EYS: variants seen among roughly 807,000 people sequenced by gnomAD.
EYS encodes protein eyes shut homolog.
EYS carries 250 observed loss-of-function variants against 282.1 expected under a neutral mutation model. The observed-to-expected ratio is 0.89, with a 90% CI of 0.80 to 0.98. The LOEUF is 0.98. Ranked by LOEUF, EYS falls within the 50% of genes least tolerant of loss-of-function variation. EYS has a pLI of 0.00. For missense variants in EYS, 4,016 were observed against 3,709.0 expected, an observed-to-expected ratio of 1.08 and a Z score of -2.15; for synonymous variants, 1,355 against 1,282.9, an observed-to-expected ratio of 1.06 and a Z score of -1.20.
At chr6:65,198,760 C>T (rs1765829978) in intron 12 of EYS, among the ~76,000 whole-genome samples, 1 of 152,046 alleles carries the variant, frequency 6.6e-6, no homozygotes. Flanking sequence ...TTTTGGAAAG[C>T]TATTAATCCA....
At chr6:63,879,865 G>A (rs1050697372) in intron 35 of EYS, among the ~76,000 whole-genome samples, 7 of 152,038 alleles carry the variant, frequency 4.6e-5, no homozygotes, top group Non-Finnish European at 1.0e-4. Context: ...GGGTAAACAG[G>A]GACTATCCCA....
chr6:64,683,934 A>C (rs1291930235), intron 22 of EYS, among the ~76,000 whole-genome samples: 4 of 152,124 alleles, frequency 2.6e-5, no homozygotes. Flanking sequence ...TTTCACAGTA[A>C]GCCCAGAGCT....
chr6:64,895,775 C>T (rs6928917), intron 18 of EYS, among the ~76,000 whole-genome samples: 105,862 of 151,894 alleles, frequency 0.7, 37,644 homozygotes, highest in Admixed American at 0.76. Flanking sequence ...TTTAAGTGTG[C>T]AAAGAATGAG....
chr6:64,974,205 C>A (rs1218937699), intron 14 of EYS, among the ~76,000 whole-genome samples: 2 of 151,604 alleles, frequency 1.3e-5, no homozygotes, highest in Admixed American at 6.6e-5. Context: ...AAGCACTAAG[C>A]AAAAGAAATA....
intron 19 of EYS, among the ~76,000 whole-genome samples, chr6:64,835,388 T>C (rs1241862545): frequency 6.6e-6 from 1 of 151,672 alleles, no homozygotes; most frequent in Non-Finnish European, 1.5e-5. Flanking sequence ...AGAAAGTATG[T>C]GGTGTGTGTC....
rs769240399 is a variant in EYS, at chr6:64,864,385, C to CTTTTTTTTTTTTTTTTTT, written c.2992+22294_2992+22311dup. ...GAGAAATACAGAGGTGCTATACCTT[C>CTTTTTTTTTTTTTTTTTT]TTTTTTTTTTTTTTTTTTTTTGACA... On this transcript the variant is annotated intron_variant, in intron 19 of 42. Coordinates refer to ENST00000503581, the MANE Select transcript of EYS (RefSeq NM_001142800.2). Among the ~76,000 whole-genome samples the CTTTTTTTTTTTTTTTTTT allele has an allele frequency of 1.3e-3, 77 of 57,188 alleles. 8 individuals are homozygous for CTTTTTTTTTTTTTTTTTT. The highest frequency in any genetic ancestry group is 2.1e-3 in the African/African-American group (36 of 17,116). 37.5% of individuals were successfully genotyped at this position (57,188 alleles called of 152,430 possible). A position where few individuals can be genotyped will look rare whatever the true frequency, so the allele number is the denominator to read the frequency against.
rs554374895 is a variant in EYS, at chr6:65,067,926, T to G, written c.2024-10199A>C. Among the ~76,000 whole-genome samples, 8 of 152,258 alleles carry G rather than the reference T, an allele frequency of 5.3e-5. 1 individual carries two copies. The South Asian group carries it at 1.2e-3, about 24-fold the overall frequency. On this transcript the variant is annotated intron_variant, in intron 12 of 42. Coordinates refer to ENST00000503581, the MANE Select transcript of EYS (RefSeq NM_001142800.2). ...GATATGCTTATTAAAGAGGCAGATA[T>G]TAATTCTATCACATGCTAGCAGGTT...
At chr6:64,643,664 G>A (rs1178639556) in intron 22 of EYS, among the ~76,000 whole-genome samples, 1 of 152,194 alleles carries the variant, frequency 6.6e-6, no homozygotes, top group East Asian at 1.9e-4. Context: ...GGACCCAGGG[G>A]CTGGTTACTG....
rs1202945018 is a variant in EYS, at chr6:64,004,799, C to CT, written c.6726-5617dup. 4.6e-5 allele frequency among the ~76,000 whole-genome samples: 7 copies of CT among 152,162 alleles called. No individual in the cohort carries two copies. The East Asian group carries it at 1.4e-3, about 29-fold the overall frequency. On this transcript the variant is annotated intron_variant, in intron 33 of 42. Transcript: ENST00000503581. ...ATTTTGCTGCAAAAGACATGATCTC[C>CT]TTTTTTATGGTTGTGTAGTATTCCA... is the stretch of plus-strand genomic sequence containing the variant.
In EYS at chr6:65,538,550, A is replaced by C. The variant is rs188802212; in HGVS notation, c.-332-42557T>G. Among the ~76,000 whole-genome samples, 53 of 152,276 alleles carry C rather than the reference A, an allele frequency of 3.5e-4. No individual in the cohort carries two copies. In the East Asian group the frequency reaches 9.1e-3, roughly 26 times the overall value. ...TCCAGGTTCACCTTCCTAACAAATA[A>C]AACATATATTGAGTATCTCCCAAAA... On this transcript the variant is annotated intron_variant, in intron 2 of 42. Transcript: ENST00000503581.
At chr6:65,522,769 C>A (rs1767420062) in intron 2 of EYS, among the ~76,000 whole-genome samples, 1 of 151,972 alleles carries the variant, frequency 6.6e-6, no homozygotes. Flanking sequence ...ATTTTTGATA[C>A]CTTTTGTGCA....
At chr6:65,186,928 C>T (rs1562011528) in intron 12 of EYS, among the ~76,000 whole-genome samples, 1 of 151,636 alleles carries the variant, frequency 6.6e-6, no homozygotes, top group Non-Finnish European at 1.5e-5. Context: ...CAAGTAGAAC[C>T]CCTTTTTTAT....
chr6:65,350,590 T>C lies in EYS; in HGVS notation c.1459+2868A>G, dbSNP rs577413705. Among the ~76,000 whole-genome samples, 107 of 151,686 alleles carry C rather than the reference T, an allele frequency of 7.1e-4. 1 individual carries two copies. Among genetic ancestry groups the C allele is most frequent in the Non-Finnish European group, 1.9e-4 (13 of 67,708 alleles). On this transcript the variant is annotated intron_variant, in intron 9 of 42. Transcript: ENST00000503581. Reference sequence around the variant, plus strand: ...AAGAGATTTAAAAGAATTTCTCTTATTTTCTTTTTTTGTCTAGGATTTTAT... The same window carrying C: ...AAGAGATTTAAAAGAATTTCTCTTACTTTCTTTTTTTGTCTAGGATTTTAT...
rs779592289 is a variant in EYS, at chr6:63,864,361, G to A, written c.7056-3C>T. 4 of 1,548,138 alleles carry A rather than the reference G, an allele frequency of 2.6e-6. No individual in the cohort carries two copies. Among genetic ancestry groups the A allele is most frequent in the Middle Eastern group, 1.7e-4 (1 of 5,984 alleles). The stretch of plus-strand genomic sequence containing the variant: ...CACAAAACAGATTTTCATTATCACT[G>A]AGAAGGGAAAAAATTTAAAAATTCA... On this transcript the variant is annotated splice_region_variant and splice_polypyrimidine_tract_variant and intron_variant, in intron 35 of 42. Transcript: ENST00000503581.
intron 22 of EYS, among the ~76,000 whole-genome samples, chr6:64,660,074 G>T (rs9360017): frequency 0.6 from 90,399 of 151,926 alleles, 27,087 homozygotes; most frequent in South Asian, 0.66. Context: ...ATGCAAGGCT[G>T]GTTCAACATA....
chr6:65,458,654 T>C (rs1051150660), intron 5 of EYS, among the ~76,000 whole-genome samples: 1 of 152,158 alleles, frequency 6.6e-6, no homozygotes, highest in Admixed American at 6.6e-5. Flanking sequence ...AGTTCAGGAT[T>C]TACATAATTT....
At chr6:65,138,352 C>G (rs1239887562) in intron 12 of EYS, among the ~76,000 whole-genome samples, 3 of 151,804 alleles carry the variant, frequency 2.0e-5, no homozygotes, top group Non-Finnish European at 4.4e-5. Context: ...TTTGGAAGCC[C>G]AGTATTACTT....
chr6:65,374,485 A>C (rs1435668247), intron 8 of EYS, among the ~76,000 whole-genome samples: 1 of 146,792 alleles, frequency 6.8e-6, no homozygotes, highest in Non-Finnish European at 1.5e-5. Context: ...TGGGGCAGAC[A>C]CTGAGCTACC....
intron 35 of EYS, among the ~76,000 whole-genome samples, chr6:63,892,992 G>T (rs760667721): frequency 2.2e-4 from 33 of 151,996 alleles, no homozygotes; most frequent in Non-Finnish European, 3.5e-4. Context: ...GCTCATCACT[G>T]GTCATTAAAG....
Sources: allele counts gnomAD v4.1 joint callset (sites outside exome capture counted in the v4.1 genomes callset), GRCh38; gene constraint gnomAD v4.1.1; transcripts MANE v1.5; gene names NCBI Gene and HGNC (gene_info 2026-07-23, HGNC 2026-07-21).